Variants in SUGCT observed in about 807,000 individuals in gnomAD.
SUGCT encodes succinyl-CoA:glutarate CoA-transferase.
Under a neutral mutation model 55.0 loss-of-function variants are expected in SUGCT, and 41 were observed. The ratio of observed to expected loss-of-function variants is 0.74; its 90% confidence interval spans 0.58 to 0.97. The LOEUF is 0.97. Among genes scored for constraint, SUGCT ranks in the 50% least tolerant of loss-of-function variants. The probability of loss-of-function intolerance (pLI) is 0.00; values close to 1 mark genes in which losing one functional copy is unlikely to be tolerated. For missense variants in SUGCT, 568 were observed against 547.8 expected (o/e 1.04, Z -0.37); for synonymous variants, 187 against 200.4 (o/e 0.93, Z 0.56).
chr7:40,205,327 G>A (rs917728694), intron 6 of SUGCT, among the ~76,000 whole-genome samples: 2 of 151,430 alleles, frequency 1.3e-5, no homozygotes, highest in South Asian at 2.1e-4. Context: ...CATGGATGAA[G>A]TGATTTCCCA....
intron 13 of SUGCT, among the ~76,000 whole-genome samples, chr7:40,797,913 C>T (rs1255374261): frequency 6.6e-6 from 1 of 152,198 alleles, no homozygotes; most frequent in African/African-American, 2.4e-5. Flanking sequence ...GCTTGTCTTG[C>T]CCTATGGCCA....
At chr7:40,174,606 C>T (rs1231576748) in intron 1 of SUGCT, among the ~76,000 whole-genome samples, 1 of 152,128 alleles carries the variant, frequency 6.6e-6, no homozygotes, top group African/African-American at 2.4e-5. Flanking sequence ...CCTGCCACTG[C>T]ACCCTAGCCT....
intron 13 of SUGCT, among the ~76,000 whole-genome samples, chr7:40,782,144 T>G (rs529289981): frequency 6.6e-6 from 1 of 152,216 alleles, no homozygotes; most frequent in African/African-American, 2.4e-5. Context: ...CTTATTTTTT[T>G]AGAAGTACAG....
intron 9 of SUGCT, among the ~76,000 whole-genome samples, chr7:40,358,752 A>C (rs989785339): frequency 4.6e-5 from 7 of 151,966 alleles, no homozygotes; most frequent in African/African-American, 7.3e-5. Flanking sequence ...AACAACAACA[A>C]CACTACTATT....
chr7:40,296,245 T>TA (rs370136470), intron 8 of SUGCT, among the ~76,000 whole-genome samples: 2 of 152,248 alleles, frequency 1.3e-5, no homozygotes, highest in Non-Finnish European at 2.9e-5. Context: ...TTCCTTTTTT[T>TA]ATGTGAAAAT....
chr7:40,751,213 C>A (rs1367368957), intron 13 of SUGCT, among the ~76,000 whole-genome samples: 1 of 151,986 alleles, frequency 6.6e-6, no homozygotes, highest in African/African-American at 2.4e-5. Flanking sequence ...TGGGAGAAAA[C>A]CCCGAGGTGA....
At chr7:41,035,450 C>T in the SUGCT span, among the ~76,000 whole-genome samples, 1 of 152,060 alleles carries the variant, frequency 6.6e-6, no homozygotes, top group South Asian at 2.1e-4. Flanking sequence ...AGAGGGGCTG[C>T]GTTGTTTCCA....
intron 9 of SUGCT, among the ~76,000 whole-genome samples, chr7:40,448,016 G>C (rs970935956): frequency 6.6e-6 from 1 of 152,140 alleles, no homozygotes; most frequent in South Asian, 2.1e-4. Flanking sequence ...TGGGTGGTTA[G>C]AGTGTCCATC....
intron 5 of SUGCT, among the ~76,000 whole-genome samples, chr7:40,193,807 G>T (rs1786085461): frequency 6.6e-6 from 1 of 151,784 alleles, no homozygotes; most frequent in African/African-American, 2.4e-5. Context: ...TACCATGTTG[G>T]CCAGGCTGGT....
At chr7:40,645,558 T>A (rs750876062) in intron 12 of SUGCT, among the ~76,000 whole-genome samples, 1 of 152,196 alleles carries the variant, frequency 6.6e-6, no homozygotes, top group African/African-American at 2.4e-5. Context: ...GGATTCATCC[T>A]CCTCAGAAAG....
intron 1 of SUGCT, among the ~76,000 whole-genome samples, chr7:40,169,558 A>T (rs1784575028): frequency 6.6e-6 from 1 of 152,162 alleles, no homozygotes; most frequent in Admixed American, 6.5e-5. Flanking sequence ...CCTTCCAGTG[A>T]TTCCCTTGAC....
intron 1 of SUGCT, among the ~76,000 whole-genome samples, chr7:40,163,942 C>A (rs1030655964): frequency 2.0e-5 from 3 of 151,862 alleles, no homozygotes; most frequent in Non-Finnish European, 2.9e-5. Flanking sequence ...CTGCCTCAGT[C>A]TCCCAGATAG....
In SUGCT at chr7:40,277,187, C is replaced by A. The variant is rs73318566; in HGVS notation, c.720+2531C>A. 6.2e-3 allele frequency among the ~76,000 whole-genome samples: 940 copies of A among 152,192 alleles called. 7 individuals are homozygous for A. The highest frequency in any genetic ancestry group is 0.021 in the African/African-American group (886 of 41,534). On this transcript the variant is annotated intron_variant, in intron 8 of 13. Transcript: ENST00000335693. ...ATTGCTAAAATTAGTGTATTTCAGT[C>A]TCATTAACTATCTTTCTTTTTTTCT...
intron 11 of SUGCT, among the ~76,000 whole-genome samples, chr7:40,490,152 A>C (rs1335330248): frequency 1.3e-5 from 2 of 152,212 alleles, no homozygotes; most frequent in African/African-American, 2.4e-5. Flanking sequence ...CAATGAGAGC[A>C]CCAGCTTTGT....
intron 8 of SUGCT, among the ~76,000 whole-genome samples, chr7:40,293,193 G>A (rs1451613691): frequency 6.6e-6 from 1 of 152,030 alleles, no homozygotes; most frequent in Non-Finnish European, 1.5e-5. Context: ...AGGTCTTATT[G>A]TCACTATGAA....
intron 12 of SUGCT, among the ~76,000 whole-genome samples, chr7:40,723,492 C>T (rs773850352): frequency 1.3e-5 from 2 of 152,106 alleles, no homozygotes; most frequent in African/African-American, 2.4e-5. Flanking sequence ...ATTCCTCAAC[C>T]GATAATGCAG....
chr7:40,837,082 T>C (rs977174397), intron 13 of SUGCT, among the ~76,000 whole-genome samples: 2 of 152,206 alleles, frequency 1.3e-5, no homozygotes, highest in Non-Finnish European at 1.5e-5. Flanking sequence ...CCAATTTCTC[T>C]GCATCATCAT....
At chr7:40,815,239 G>A (rs1791608494) in intron 13 of SUGCT, among the ~76,000 whole-genome samples, 1 of 152,236 alleles carries the variant, frequency 6.6e-6, no homozygotes, top group Non-Finnish European at 1.5e-5. Flanking sequence ...GGCCCCGATG[G>A]CAGGCATGAG....
At chr7:40,289,711 A>G (rs1030672908) in intron 8 of SUGCT, among the ~76,000 whole-genome samples, 2 of 152,194 alleles carry the variant, frequency 1.3e-5, no homozygotes, top group Non-Finnish European at 2.9e-5. Flanking sequence ...GAGGAAGTCA[A>G]ATTGTCCCTG....
Sources: gnomAD v4.1 joint callset for allele counts (sites outside exome capture counted in the v4.1 genomes callset) on GRCh38, gnomAD v4.1.1 for gene constraint, MANE v1.5 for transcripts, NCBI Gene and HGNC (gene_info 2026-07-23, HGNC 2026-07-21) for gene names.